Variants in ADGRB3 observed in about 807,000 individuals in gnomAD.
ADGRB3 encodes the protein brain-specific angiogenesis inhibitor 3.
Under a neutral mutation model 193.4 loss-of-function variants are expected in ADGRB3, and 37 were observed. The observed-to-expected ratio is 0.19, with a 90% CI of 0.15 to 0.25. ADGRB3 has a LOEUF of 0.25. Among genes scored for constraint, ADGRB3 ranks in the 10% least tolerant of loss-of-function variants. ADGRB3 has a pLI of 1.00. For missense variants in ADGRB3, 1,637 were observed against 1,852.9 expected (o/e 0.88, Z 2.14); for synonymous variants, 690 against 644.2 (o/e 1.07, Z -1.08).
In ADGRB3 at chr6:68,956,334, T is replaced by A. The variant is rs1053148521; in HGVS notation, c.1360+146T>A. ...GTGTGTGTGTGTGTGTGTGTATACA[T>A]GTATTTATTAATGAAGCCGATTATA... is the stretch of plus-strand genomic sequence containing the variant. On this transcript the variant is annotated intron_variant, in intron 7 of 31. Coordinates refer to ENST00000370598, the MANE Select transcript of ADGRB3 (RefSeq NM_001704.3). 3.3e-5 allele frequency: 30 copies of A among 921,082 alleles called. No homozygotes were observed. The African/African-American group carries it at 4.7e-4, about 14-fold the overall frequency. The allele number at this position is 921,082 out of a possible 1,614,324, so 57.1% of individuals were successfully genotyped here.
At chr6:68,713,139 G>C (rs763955401) in intron 3 of ADGRB3, among the ~76,000 whole-genome samples, 4 of 151,734 alleles carry the variant, frequency 2.6e-5, no homozygotes, top group Non-Finnish European at 4.4e-5. Context: ...GATCTAATTA[G>C]GGATACCATA....
chr6:69,290,899 G>A (rs1374485139), intron 20 of ADGRB3, among the ~76,000 whole-genome samples: 1 of 152,046 alleles, frequency 6.6e-6, no homozygotes, highest in African/African-American at 2.4e-5. Context: ...TAGGCATCTA[G>A]TATTTTTTCC....
chr6:68,975,814 C>T (rs1244048479), intron 10 of ADGRB3, among the ~76,000 whole-genome samples: 2 of 152,082 alleles, frequency 1.3e-5, no homozygotes, highest in Non-Finnish European at 2.9e-5. Flanking sequence ...GTTATTGCAC[C>T]AGAGAAACTT....
chr6:69,279,427 G>A (rs1161685380), intron 20 of ADGRB3, among the ~76,000 whole-genome samples: 2 of 151,210 alleles, frequency 1.3e-5, no homozygotes, highest in African/African-American at 4.9e-5. Context: ...CCATCGTAAA[G>A]GCGAAAATTT....
At chr6:69,126,901 C>T (rs1157947284) in intron 17 of ADGRB3, among the ~76,000 whole-genome samples, 1 of 152,196 alleles carries the variant, frequency 6.6e-6, no homozygotes, top group East Asian at 1.9e-4. Context: ...AATTAAAGGA[C>T]TCTTTTTCTC....
At chr6:69,210,762 G>A (rs992333588) in intron 17 of ADGRB3, among the ~76,000 whole-genome samples, 6 of 152,006 alleles carry the variant, frequency 3.9e-5, no homozygotes, top group Non-Finnish European at 5.9e-5. Context: ...CGTTTTGGAG[G>A]GGACGTTCAA....
chr6:69,021,153 G>A (rs1770252685), intron 13 of ADGRB3, among the ~76,000 whole-genome samples: 1 of 151,868 alleles, frequency 6.6e-6, no homozygotes, highest in African/African-American at 2.4e-5. Context: ...TGTGAGAAAT[G>A]AATAGAGACT....
chr6:68,825,963 T>C (rs1489868738), intron 3 of ADGRB3, among the ~76,000 whole-genome samples: 1 of 151,846 alleles, frequency 6.6e-6, no homozygotes, highest in Non-Finnish European at 1.5e-5. Context: ...GACCTAACTA[T>C]CCACTCTGGT....
chr6:68,636,687 C>T (rs544906780), intron 1 of ADGRB3, among the ~76,000 whole-genome samples: 1 of 152,106 alleles, frequency 6.6e-6, no homozygotes, highest in African/African-American at 2.4e-5. Context: ...CTTGAGCAGG[C>T]ATTAAAGTGA....
rs531482642 is a variant in ADGRB3 at position 69,011,167 on chromosome 6, G to GTGTA, written c.1930-2870_1930-2869insGTAT. 5.1e-3 allele frequency among the ~76,000 whole-genome samples: 731 copies of GTGTA among 143,124 alleles called. 5 individuals are homozygous for GTGTA. Among genetic ancestry groups the GTGTA allele is most frequent in the African/African-American group, 0.013 (505 of 38,928 alleles). The allele number at this position is 143,124 out of a possible 152,430, so 93.9% of individuals were successfully genotyped here. A position where few individuals can be genotyped will look rare whatever the true frequency, so the allele number is the denominator to read the frequency against. ...TGTGTGTGTGTGTGTGTGTGTGTGT[G>GTGTA]TATATATATATTCTATATGTGTGAG... On this transcript the variant is annotated intron_variant, in intron 11 of 31. Transcript: ENST00000370598.
chr6:69,056,208 T>A (rs1771541375), intron 15 of ADGRB3, among the ~76,000 whole-genome samples: 1 of 152,266 alleles, frequency 6.6e-6, no homozygotes, highest in Admixed American at 6.5e-5. Flanking sequence ...GCATTTCTCT[T>A]ATGATTAGTG....
In ADGRB3 at chr6:68,758,390, T is replaced by C. The variant is rs545828755; in HGVS notation, c.757+118958T>C. On this transcript the variant is annotated intron_variant, in intron 3 of 31. Coordinates refer to ENST00000370598, the MANE Select transcript of ADGRB3 (RefSeq NM_001704.3). ...AGGTTGTCTCTAGTCCTGTTTTTAC[T>C]ATTTCTTGTTCTACCTCATCTGTTT... Among the ~76,000 whole-genome samples, 12 of 152,232 alleles carry C rather than the reference T, an allele frequency of 7.9e-5. No individual in the cohort carries two copies. In the South Asian group the frequency reaches 2.5e-3, roughly 32 times the overall value.
intron 3 of ADGRB3, among the ~76,000 whole-genome samples, chr6:68,914,449 C>T (rs555461506): frequency 1.3e-5 from 2 of 152,024 alleles, no homozygotes; most frequent in African/African-American, 2.4e-5. Flanking sequence ...AACTAAGCTT[C>T]GTACGTGAAG....
chr6:69,032,039 G>A (rs575934572), intron 13 of ADGRB3, among the ~76,000 whole-genome samples: 7 of 152,266 alleles, frequency 4.6e-5, no homozygotes, highest in African/African-American at 1.7e-4. Context: ...GGGGTTGGTG[G>A]TTTGCCTCAG....
At chr6:69,098,588 G>C (rs377174215) in intron 17 of ADGRB3, among the ~76,000 whole-genome samples, 2 of 152,028 alleles carry the variant, frequency 1.3e-5, no homozygotes, top group African/African-American at 4.8e-5. Context: ...TAAACCATCC[G>C]ATCTCATGAG....
At position 68,906,400 on chromosome 6, in the gene ADGRB3, A is replaced by C. The variant is rs373237800; in HGVS notation, c.758-24159A>C. Among the ~76,000 whole-genome samples, 793 of 152,094 alleles carry C rather than the reference A, an allele frequency of 5.2e-3. 3 individuals are homozygous for C. The highest frequency in any genetic ancestry group is 0.012 in the South Asian group (59 of 4,826). ...TATATATTGTTGCTTGTAGCCTACA[A>C]GCAAGAAGGTATACCATATATATTG... On this transcript the variant is annotated intron_variant, in intron 3 of 31. Transcript: ENST00000370598.
intron 20 of ADGRB3, among the ~76,000 whole-genome samples, chr6:69,299,573 G>A (rs1007383022): frequency 6.6e-6 from 1 of 151,860 alleles, no homozygotes; most frequent in African/African-American, 2.4e-5. Context: ...GCAAGAGATA[G>A]GGGTCTAGTT....
intron 17 of ADGRB3, among the ~76,000 whole-genome samples, chr6:69,158,400 A>C (rs1015848438): frequency 6.7e-6 from 1 of 149,972 alleles, no homozygotes; most frequent in Admixed American, 6.7e-5. Flanking sequence ...TATTACATTA[A>C]GTATTAATTT....
chr6:68,689,474 G>A (rs988985679), intron 3 of ADGRB3, among the ~76,000 whole-genome samples: 1 of 152,102 alleles, frequency 6.6e-6, no homozygotes, highest in African/African-American at 2.4e-5. Context: ...AACCGGCTCA[G>A]GCCTGAATAC....
Sources: gnomAD v4.1 joint callset for allele counts (sites outside exome capture counted in the v4.1 genomes callset) on GRCh38, gnomAD v4.1.1 for gene constraint, MANE v1.5 for transcripts, NCBI Gene and HGNC (gene_info 2026-07-23, HGNC 2026-07-21) for gene names.